CPNE2: variants seen among roughly 807,000 people sequenced by gnomAD.
CPNE2 encodes the protein copine-2.
A neutral mutation model predicts 69.7 loss-of-function variants in CPNE2; 42 were observed. That is an observed-to-expected ratio of 0.60 (90% confidence interval 0.47 to 0.78). The LOEUF (loss-of-function observed/expected upper bound fraction) is 0.78. CPNE2 is among the 30% of genes least tolerant of loss of function. The probability of loss-of-function intolerance (pLI) is 0.00; values close to 1 mark genes in which losing one functional copy is unlikely to be tolerated. For missense variants in CPNE2, 587 were observed against 732.0 expected, an observed-to-expected ratio of 0.80 and a Z score of 2.29; for synonymous variants, 294 against 289.8, an observed-to-expected ratio of 1.01 and a Z score of -0.15.
intron 11 of CPNE2, 123 bp downstream of exon 11, chr16:57,126,116 G>A (rs1373141276): frequency 1.6e-6 from 2 of 1,262,888 alleles, no homozygotes; most frequent in African/African-American, 1.5e-5. Context: ...AAATGGCATA[G>A]GTGCAGTTAT....
chr16:57,104,870 A>G (rs553222881), intron 1 of CPNE2, among the ~76,000 whole-genome samples: 1 of 152,324 alleles, frequency 6.6e-6, no homozygotes, highest in Non-Finnish European at 1.5e-5. Flanking sequence ...GCCCTGAGGC[A>G]GGAGAGAGCC....
At chr16:57,143,695 C>CT (rs1261617010) in intron 14 of CPNE2, 1 of 152,466 alleles carries the variant, frequency 6.6e-6, no homozygotes, top group Non-Finnish European at 1.5e-5. Context: ...GTATCACCTC[C>CT]TCTGGCCACT....
At position 57,115,535 on chromosome 16, in the gene CPNE2, G is replaced by A; in HGVS notation, c.420G>A (p.Gly140=). Residue 140 remains glycine (G), a synonymous_variant, in exon 4 of 16, where the codon GGG becomes GGA. Coordinates refer to ENST00000290776, the MANE Select transcript of CPNE2 (RefSeq NM_152727.6). Reference sequence around the variant, plus strand: ...TGCTGCTGAATGACAAGCCTGCGGGGAAGGGCTTGATTACGGTACCAGTCC... The same window carrying A: ...TGCTGCTGAATGACAAGCCTGCGGGAAAGGGCTTGATTACGGTACCAGTCC... ...PLLLLNDKPA[G]KGLITIAAQE... 6.2e-7 allele frequency: 1 copy of A among 1,612,046 alleles called. No individual in the cohort carries two copies. Among genetic ancestry groups the A allele is most frequent in the Non-Finnish European group, 8.5e-7 (1 of 1,178,918 alleles).
chr16:57,125,116 C>A (rs1228119397), intron 10 of CPNE2: 1 of 337,806 alleles, frequency 3.0e-6, no homozygotes, highest in African/African-American at 2.1e-5. Flanking sequence ...TAACCCTCCC[C>A]TGCTGGGCAG....
intron 2 of CPNE2, among the ~76,000 whole-genome samples, chr16:57,111,749 G>A (rs2069683222): frequency 6.6e-6 from 1 of 152,088 alleles, no homozygotes; most frequent in African/African-American, 2.4e-5. Context: ...CCAGATCTGG[G>A]GATATTAATG....
chr16:57,128,401 T>C (rs1295437874), intron 12 of CPNE2, among the ~76,000 whole-genome samples: 1 of 151,926 alleles, frequency 6.6e-6, no homozygotes, highest in African/African-American at 2.4e-5. Context: ...CAGCTAACTT[T>C]TGTATTTTTA....
At chr16:57,093,721 C>T (rs2069559882) in intron 1 of CPNE2, among the ~76,000 whole-genome samples, 1 of 152,204 alleles carries the variant, frequency 6.6e-6, no homozygotes, top group Non-Finnish European at 1.5e-5. Flanking sequence ...AGACAAAACG[C>T]CCTTTTTTTT....
intron 1 of CPNE2, among the ~76,000 whole-genome samples, chr16:57,106,633 C>T (rs1176233384): frequency 6.9e-6 from 1 of 145,814 alleles, no homozygotes; most frequent in Non-Finnish European, 1.6e-5. Context: ...TCTGATTTGG[C>T]AGCAGGAGAT....
chr16:57,127,080 T>G (rs1368885772), intron 11 of CPNE2, among the ~76,000 whole-genome samples: 3 of 152,144 alleles, frequency 2.0e-5, no homozygotes, highest in Non-Finnish European at 4.4e-5. Flanking sequence ...GAGTTCTCAC[T>G]TAAAGAGGAA....
At chr16:57,122,808 G>T (rs1422955275) in intron 9 of CPNE2, among the ~76,000 whole-genome samples, 1 of 151,868 alleles carries the variant, frequency 6.6e-6, no homozygotes, top group Admixed American at 6.6e-5. Context: ...GACCAGGCTG[G>T]TCTTGAACTC....
At chr16:57,109,920 C>T (rs1181145860) in intron 1 of CPNE2, among the ~76,000 whole-genome samples, 3 of 152,186 alleles carry the variant, frequency 2.0e-5, no homozygotes, top group Non-Finnish European at 4.4e-5. Context: ...GTTTAAACGC[C>T]TCTGACGTTA....
chr16:57,114,294 G>A (rs2069701750), intron 3 of CPNE2, among the ~76,000 whole-genome samples: 1 of 152,204 alleles, frequency 6.6e-6, no homozygotes, highest in Admixed American at 6.5e-5. Flanking sequence ...GGCCCCAGAG[G>A]AAAGCTGACC....
intron 13 of CPNE2, among the ~76,000 whole-genome samples, chr16:57,136,288 C>G (rs575698798): frequency 5.8e-4 from 88 of 151,056 alleles, no homozygotes; most frequent in African/African-American, 2.1e-3. Flanking sequence ...GGTCAATCAG[C>G]TTCATCCCTG....
intron 1 of CPNE2, among the ~76,000 whole-genome samples, chr16:57,096,568 G>A (rs1164081106): frequency 6.6e-6 from 1 of 151,916 alleles, no homozygotes; most frequent in African/African-American, 2.4e-5. Context: ...GTGTTGTGGT[G>A]CATGCCTGTA....
At chr16:57,145,077 T>C (rs2069947589) in intron 14 of CPNE2, 1 of 152,194 alleles carries the variant, frequency 6.6e-6, no homozygotes, top group African/African-American at 2.4e-5. Flanking sequence ...TCTCCCACAC[T>C]AATTATTCAA....
intron 14 of CPNE2, chr16:57,143,616 T>G (rs1394347653): frequency 6.6e-6 from 1 of 152,500 alleles, no homozygotes; most frequent in African/African-American, 2.4e-5. Flanking sequence ...CTCTCTGAGC[T>G]CCACTCCTCT....
rs1437764502 is a variant in CPNE2 at position 57,113,232 on chromosome 16, G to A, written c.181-56G>A. 44 of 1,527,980 alleles carry A rather than the reference G, an allele frequency of 2.9e-5. No homozygotes were observed. The Admixed American group carries it at 4.2e-4, about 15-fold the overall frequency. The allele number at this position is 1,527,980 out of a possible 1,614,324, so 94.7% of individuals were successfully genotyped here. A position where few individuals can be genotyped will look rare whatever the true frequency, so the allele number is the denominator to read the frequency against. On this transcript the variant is annotated intron_variant, in intron 2 of 15. Coordinates refer to ENST00000290776, the MANE Select transcript of CPNE2 (RefSeq NM_152727.6). ...AGCAGAATGATTTCCAGCAGCCTGC[G>A]AGGTCTTGGACCAGCTGCCTTGACT...
intron 14 of CPNE2, chr16:57,144,663 C>T (rs1034352155): frequency 6.6e-6 from 1 of 152,278 alleles, no homozygotes; most frequent in Non-Finnish European, 1.5e-5. Flanking sequence ...AAAATAAGTT[C>T]TTGGCTGGGC....
chr16:57,106,526 G>T (rs11863667), intron 1 of CPNE2, among the ~76,000 whole-genome samples: 18,754 of 152,182 alleles, frequency 0.12, 3,477 homozygotes, highest in African/African-American at 0.41. Context: ...GTGCGTATGT[G>T]TATGTGTGTA....
Sources: gnomAD v4.1 joint callset for allele counts (sites outside exome capture counted in the v4.1 genomes callset) on GRCh38, gnomAD v4.1.1 for gene constraint, MANE v1.5 for transcripts, NCBI Gene and HGNC (gene_info 2026-07-23, HGNC 2026-07-21) for gene names.